Variants in PARK7 observed in about 807,000 individuals in gnomAD.
The protein encoded by PARK7 is Parkinson disease protein 7.
A neutral mutation model predicts 20.5 loss-of-function variants in PARK7; 14 were observed. That is an observed-to-expected ratio of 0.68 (90% confidence interval 0.45 to 1.07). The LOEUF (loss-of-function observed/expected upper bound fraction) is 1.07. Ranked by LOEUF, PARK7 falls within the 50% of genes least tolerant of loss-of-function variation. PARK7 has a pLI of 0.00. For synonymous variants in PARK7, 98 were observed against 84.3 expected (o/e 1.16, Z -0.89); for missense variants, 234 against 238.1 (o/e 0.98, Z 0.11).
chr1:7,969,537 T>C (rs1640411635), intron 4 of PARK7, 133 bp downstream of exon 4: 2 of 724,720 alleles, frequency 2.8e-6, no homozygotes, highest in Non-Finnish European at 4.6e-6. Flanking sequence ...GAAAAAAAAA[T>C]AGAAACAACT....
intron 6 of PARK7, among the ~76,000 whole-genome samples, chr1:7,980,492 T>A (rs1195791034): frequency 6.6e-6 from 1 of 152,176 alleles, no homozygotes; most frequent in East Asian, 1.9e-4. Context: ...TGGTGGAGCT[T>A]CCTGGTCCCC....
Position 7,985,112 on chromosome 1 carries a change from G to A in PARK7, c.*58G>A. The A allele has an allele frequency of 1.3e-6, 2 of 1,586,312 alleles. No individual in the cohort carries two copies. Among genetic ancestry groups the A allele is most frequent in the South Asian group, 1.1e-5 (1 of 88,268 alleles). ...AGGCCGTTAGGAATCCATTCTCACT[G>A]TGTTCGCTCTAAACAAAACAGTGGT... On this transcript the variant is annotated 3_prime_UTR_variant, in exon 7 of 7. Transcript: ENST00000338639.
intron 3 of PARK7, among the ~76,000 whole-genome samples, chr1:7,966,628 G>A (rs1052367218): frequency 6.6e-6 from 1 of 152,070 alleles, no homozygotes; most frequent in Non-Finnish European, 1.5e-5. Context: ...AGCCTAGACG[G>A]TTGCTTGAGC....
At chr1:7,966,064 T>G (rs1640320759) in intron 3 of PARK7, among the ~76,000 whole-genome samples, 1 of 152,140 alleles carries the variant, frequency 6.6e-6, no homozygotes, top group South Asian at 2.1e-4. Context: ...TTAAGGACGA[T>G]GGACACTTTT....
At position 7,976,709 on chromosome 1, in the gene PARK7, CATTTT is replaced by C. The variant is rs549001278; in HGVS notation, c.323-938_323-934del. On this transcript the variant is annotated intron_variant, in intron 5 of 6. Transcript: ENST00000338639. ...GGTGGATGAACGAGTGTTAATTTCC[CATTTT>C]ATTTATTTATTTTTTATTTATTTTG... 2.0e-3 allele frequency among the ~76,000 whole-genome samples: 310 copies of C among 152,148 alleles called. 1 individual carries two copies. The highest frequency in any genetic ancestry group is 7.3e-3 in the African/African-American group (302 of 41,536).
At chr1:7,968,479 A>T (rs1640377246) in intron 3 of PARK7, among the ~76,000 whole-genome samples, 1 of 151,844 alleles carries the variant, frequency 6.6e-6, no homozygotes, top group Non-Finnish European at 1.5e-5. Context: ...GTTAAGAAAA[A>T]TTTTTTGTGC....
At chr1:7,971,139 TC>T in intron 5 of PARK7, 176 bp downstream of exon 5, 1 of 712,052 alleles carries the variant, frequency 1.4e-6, no homozygotes, top group Non-Finnish European at 2.5e-6. Flanking sequence ...GGACAATTGT[TC>T]TGTTTTCTGC....
chr1:7,966,697 CAG>C (rs1223999003), intron 3 of PARK7, among the ~76,000 whole-genome samples: 2 of 152,130 alleles, frequency 1.3e-5, no homozygotes, highest in Non-Finnish European at 2.9e-5. Context: ...GCCTGGGTGA[CAG>C]AGCGAGACCC....
chr1:7,963,897 A>G (rs1321587656), intron 2 of PARK7, among the ~76,000 whole-genome samples: 3 of 150,894 alleles, frequency 2.0e-5, no homozygotes, highest in Non-Finnish European at 2.9e-5. Flanking sequence ...GCTCACTGCA[A>G]CTTCTGCCTC....
rs2124004532 is a variant in PARK7 at position 7,984,506 on chromosome 1, T to C, written c.410-388T>C. ...GGGTGTGCGTGCCGCCACATGTTGA[T>C]TGGGGTGGCTTCTGCGTTCAGCGCT... On this transcript the variant is annotated intron_variant, in intron 6 of 6. Transcript: ENST00000338639. This position sits in a 1 kb window ranked among gnomAD's most constrained non-coding sequence, Gnocchi z 4.3. Among the ~76,000 whole-genome samples the C allele has an allele frequency of 6.6e-6, 1 of 152,308 alleles. No homozygotes were observed. Among genetic ancestry groups the C allele is most frequent in the Non-Finnish European group, 1.5e-5 (1 of 68,026 alleles).
At chr1:7,980,858 T>C (rs538039416) in intron 6 of PARK7, among the ~76,000 whole-genome samples, 1 of 152,124 alleles carries the variant, frequency 6.6e-6, no homozygotes, top group South Asian at 2.1e-4. Flanking sequence ...AAGACCATAG[T>C]CTTTTTTCTT....
rs1553123715 is a variant in PARK7 at position 7,973,924 on chromosome 1, AAT to A, written c.322+2962_322+2963del. Among the ~76,000 whole-genome samples, 165 of 138,120 alleles carry A rather than the reference AAT, an allele frequency of 1.2e-3. 2 individuals are homozygous for A. In the East Asian group the frequency reaches 0.04, roughly 33 times the overall value. 90.6% of individuals were successfully genotyped at this position (138,120 alleles called of 152,430 possible). On this transcript the variant is annotated intron_variant, in intron 5 of 6. Transcript: ENST00000338639. ...CTTCGTTTCAAAAAAAAAAAAAAAA[AAT>A]CAACCACATTTGGCTTACTGTTTTG...
chr1:7,970,566 T>C (rs976343467), intron 4 of PARK7, among the ~76,000 whole-genome samples: 1 of 152,186 alleles, frequency 6.6e-6, no homozygotes, highest in South Asian at 2.1e-4. Context: ...TCTGTTCCTC[T>C]CTCTGCCATC....
chr1:7,962,308 C>T (rs760483170), intron 1 of PARK7, among the ~76,000 whole-genome samples: 6 of 152,118 alleles, frequency 3.9e-5, no homozygotes, highest in Non-Finnish European at 8.8e-5. Flanking sequence ...AAACAAAAAT[C>T]CCCTCCAAAA....
At chr1:7,977,082 A>G (rs938335414) in intron 5 of PARK7, among the ~76,000 whole-genome samples, 2 of 152,196 alleles carry the variant, frequency 1.3e-5, no homozygotes, top group African/African-American at 4.8e-5. Context: ...AGAAGTTCAG[A>G]GAGTACCAGT....
At chr1:7,979,976 G>T (rs907709810) in intron 6 of PARK7, among the ~76,000 whole-genome samples, 13 of 151,966 alleles carry the variant, frequency 8.6e-5, no homozygotes, top group African/African-American at 3.1e-4. Flanking sequence ...TGGCTAACAC[G>T]GTGAAACCCC....
chr1:7,970,790 G>A (rs1640449284), intron 4 of PARK7, 104 bp from the exon 5 acceptor site: 2 of 1,037,258 alleles, frequency 1.9e-6, no homozygotes, highest in Non-Finnish European at 3.0e-6. Context: ...AGGTCAGAGA[G>A]CTTGTGGTTT....
rs1640460630 is a variant in PARK7, at chr1:7,971,307, C to G, written c.322+344C>G. 3 of 378,744 alleles carry G rather than the reference C, an allele frequency of 7.9e-6. No individual in the cohort carries two copies. In the Admixed American group the frequency reaches 1.1e-4, roughly 14 times the overall value. The allele number at this position is 378,744 out of a possible 1,614,324, so 23.5% of individuals were successfully genotyped here. Reference sequence around the variant, plus strand: ...TGTGCCAGCACACAATCAGCAAAATCCATCAAACATCAACACAGCAGCTCT... The same window carrying G: ...TGTGCCAGCACACAATCAGCAAAATGCATCAAACATCAACACAGCAGCTCT... On this transcript the variant is annotated intron_variant, in intron 5 of 6. Coordinates refer to ENST00000338639, the MANE Select transcript of PARK7 (RefSeq NM_007262.5).
rs1479320438 is a variant in PARK7 at position 7,984,666 on chromosome 1, C to T, written c.410-228C>T. 1.3e-5 allele frequency among the ~76,000 whole-genome samples: 2 copies of T among 152,238 alleles called. No individual in the cohort carries two copies. Among genetic ancestry groups the T allele is most frequent in the Non-Finnish European group, 2.9e-5 (2 of 68,058 alleles). On this transcript the variant is annotated intron_variant, in intron 6 of 6. Coordinates refer to ENST00000338639, the MANE Select transcript of PARK7 (RefSeq NM_007262.5). The surrounding 1 kb of genome is among the most constrained non-coding windows in gnomAD (Gnocchi z 4.3). ...TCTTAGCAGCTGCATTTAACTCACG[C>T]ATATTTGTTTCATTCTAACAGTGGT...
Sources: allele counts gnomAD v4.1 joint callset (sites outside exome capture counted in the v4.1 genomes callset), GRCh38; gene constraint gnomAD v4.1.1; non-coding constraint Gnocchi (gnomAD v3.1); transcripts MANE v1.5; gene names NCBI Gene and HGNC (gene_info 2026-07-23, HGNC 2026-07-21).